Variants in NECAB1 observed in about 807,000 individuals in gnomAD.
NECAB1 encodes N-terminal EF-hand calcium-binding protein 1.
NECAB1 carries 29 observed loss-of-function variants against 57.5 expected under a neutral mutation model. The ratio of observed to expected loss-of-function variants is 0.50; its 90% CI spans 0.38 to 0.69. The LOEUF is 0.69. Among genes scored for constraint, NECAB1 ranks in the 30% least tolerant of loss-of-function variants. The pLI is 0.00. For synonymous variants in NECAB1, 142 were observed against 147.7 expected (o/e 0.96, Z 0.28); for missense variants, 372 against 413.8 (o/e 0.90, Z 0.88).
At chr8:90,828,854 A>C (rs1056815081) in intron 3 of NECAB1, among the ~76,000 whole-genome samples, 2 of 152,002 alleles carry the variant, frequency 1.3e-5, no homozygotes, top group Non-Finnish European at 2.9e-5. Flanking sequence ...ATCAGGGCAA[A>C]GTATTGCTGA....
At chr8:90,878,984 A>C (rs1025736420) in intron 4 of NECAB1, among the ~76,000 whole-genome samples, 1 of 144,590 alleles carries the variant, frequency 6.9e-6, no homozygotes, top group Admixed American at 7.0e-5. Flanking sequence ...CTCTCTCTCT[A>C]CATATATTAT....
rs181779570 is a variant in NECAB1 at position 90,802,428 on chromosome 8, C to G, written c.124+713C>G. ...CTAGAAACTTTGTCCCAGAGAACAC[C>G]AAATAAAAGCTTGTTTTGTTTTTGT... is the stretch of plus-strand genomic sequence containing the variant. On this transcript the variant is annotated intron_variant, in intron 2 of 12. Coordinates refer to ENST00000417640, the MANE Select transcript of NECAB1 (RefSeq NM_022351.5). Among the ~76,000 whole-genome samples the G allele has an allele frequency of 3.3e-5, 5 of 152,240 alleles. No individual in the cohort carries two copies. In the East Asian group the frequency reaches 9.6e-4, roughly 29 times the overall value.
At chr8:90,902,616 ATAGT>A (rs894973747) in intron 5 of NECAB1, among the ~76,000 whole-genome samples, 5 of 152,060 alleles carry the variant, frequency 3.3e-5, no homozygotes, top group African/African-American at 4.8e-5. Flanking sequence ...AAGTTTATCA[ATAGT>A]TAAATAAATA....
rs115555879 is a variant in NECAB1, at chr8:90,930,836, G to A, written c.693+2537G>A. 1.7e-3 allele frequency among the ~76,000 whole-genome samples: 261 copies of A among 152,258 alleles called. 1 individual carries two copies. The highest frequency in any genetic ancestry group is 6.1e-3 in the African/African-American group (254 of 41,550). On this transcript the variant is annotated intron_variant, in intron 8 of 12. Transcript: ENST00000417640. ...TTCCAATATTGGAAGATCAAATCCA[G>A]GACCTCTATTTGCAAACTAAAGCTT...
chr8:90,797,116 G>A (rs1355498489), intron 1 of NECAB1, among the ~76,000 whole-genome samples: 1 of 152,194 alleles, frequency 6.6e-6, no homozygotes, highest in East Asian at 1.9e-4. Context: ...GGAAGAAGCT[G>A]GTTGTGATAA....
intron 3 of NECAB1, among the ~76,000 whole-genome samples, chr8:90,854,852 G>A (rs1353977849): frequency 6.6e-6 from 1 of 152,180 alleles, no homozygotes; most frequent in Non-Finnish European, 1.5e-5. Flanking sequence ...GTTCTGTCAA[G>A]AATGCTCCCA....
chr8:90,887,046 T>C (rs1809014760), intron 5 of NECAB1, among the ~76,000 whole-genome samples: 1 of 152,228 alleles, frequency 6.6e-6, no homozygotes. Flanking sequence ...AAATGATTAA[T>C]TTTTGTATAC....
intron 5 of NECAB1, among the ~76,000 whole-genome samples, chr8:90,892,276 TA>T: frequency 6.6e-6 from 1 of 152,128 alleles, no homozygotes; most frequent in Non-Finnish European, 1.5e-5. Context: ...GTTTTTTCTC[TA>T]TTGTGGGAGA....
At chr8:90,826,901 G>T (rs1424683865) in intron 3 of NECAB1, among the ~76,000 whole-genome samples, 1 of 151,806 alleles carries the variant, frequency 6.6e-6, no homozygotes, top group Non-Finnish European at 1.5e-5. Context: ...ATTACTACCA[G>T]TTTCTCTCAT....
chr8:90,811,618 C>G (rs901364612), intron 2 of NECAB1, among the ~76,000 whole-genome samples: 2 of 152,118 alleles, frequency 1.3e-5, no homozygotes, highest in Admixed American at 6.5e-5. Context: ...GAAAAACCCC[C>G]CAAATGGTAA....
chr8:90,798,130 C>T (rs747418359), intron 1 of NECAB1, among the ~76,000 whole-genome samples: 1 of 152,252 alleles, frequency 6.6e-6, no homozygotes, highest in East Asian at 1.9e-4. Context: ...AGCTGCACCA[C>T]GCCAATACCT....
intron 2 of NECAB1, among the ~76,000 whole-genome samples, chr8:90,815,062 G>C (rs1235661925): frequency 1.3e-5 from 2 of 151,940 alleles, no homozygotes; most frequent in Non-Finnish European, 2.9e-5. Flanking sequence ...CTAGACTCCT[G>C]TCTTTGCTTG....
chr8:90,914,518 C>T (rs1809906219), intron 5 of NECAB1, among the ~76,000 whole-genome samples: 1 of 151,992 alleles, frequency 6.6e-6, no homozygotes, highest in Non-Finnish European at 1.5e-5. Flanking sequence ...AAATTTAATC[C>T]TCCAAACCTT....
intron 6 of NECAB1, 50 bp downstream of exon 6, chr8:90,917,678 G>GA (rs755965507): frequency 2.7e-6 from 4 of 1,508,370 alleles, no homozygotes; most frequent in Non-Finnish European, 3.6e-6. Flanking sequence ...CTATGTTCAT[G>GA]AAAAAACAAT....
At chr8:90,822,871 T>G (rs1331871454) in intron 2 of NECAB1, among the ~76,000 whole-genome samples, 1 of 151,812 alleles carries the variant, frequency 6.6e-6, no homozygotes, top group Non-Finnish European at 1.5e-5. Context: ...TCTTTATTTT[T>G]TTTTTTAAAC....
At position 90,791,836 on chromosome 8, in the gene NECAB1, C is replaced by T. The variant is rs935016404; in HGVS notation, c.-51C>T. 5 of 1,446,460 alleles carry T rather than the reference C, an allele frequency of 3.5e-6. No homozygotes were observed. In the African/African-American group the frequency reaches 4.2e-5, roughly 12 times the overall value. 89.6% of individuals were successfully genotyped at this position (1,446,460 alleles called of 1,614,324 possible). On this transcript the variant is annotated 5_prime_UTR_variant, in exon 1 of 13. Coordinates refer to ENST00000417640, the MANE Select transcript of NECAB1 (RefSeq NM_022351.5). ...GCTGCGGCCGCGCCCTTGCCAGAGC[C>T]GGTGCGTCCGCCTAGCCCCGCTCCG...
intron 5 of NECAB1, among the ~76,000 whole-genome samples, chr8:90,911,080 T>C (rs1008582110): frequency 6.6e-6 from 1 of 152,138 alleles, no homozygotes; most frequent in Non-Finnish European, 1.5e-5. Context: ...TTCCAAGGGT[T>C]TTATAAACTA....
chr8:90,830,681 T>C (rs2129720694), intron 3 of NECAB1, among the ~76,000 whole-genome samples: 1 of 152,214 alleles, frequency 6.6e-6, no homozygotes, highest in South Asian at 2.1e-4. Flanking sequence ...AGTGGGCTGA[T>C]CTTTGTCCAG....
chr8:90,881,283 C>T (rs1458333934), intron 5 of NECAB1, among the ~76,000 whole-genome samples, 153 bp downstream of exon 5: 6 of 152,026 alleles, frequency 3.9e-5, no homozygotes, highest in African/African-American at 1.5e-4. Context: ...TCATTTGTAA[C>T]ATAATTATAA....
Sources: allele counts gnomAD v4.1 joint callset (sites outside exome capture counted in the v4.1 genomes callset), GRCh38; gene constraint gnomAD v4.1.1; transcripts MANE v1.5; gene names NCBI Gene and HGNC (gene_info 2026-07-23, HGNC 2026-07-21).